NEK9: variants seen among roughly 807,000 people sequenced by gnomAD.
NEK9 encodes the protein serine/threonine-protein kinase Nek9.
NEK9 carries 75 observed loss-of-function variants against 123.4 expected under a neutral mutation model. The observed-to-expected ratio is 0.61, with a 90% confidence interval of 0.50 to 0.74. The LOEUF is 0.74. NEK9 is among the 30% of genes least tolerant of loss of function. The pLI, the probability that NEK9 is intolerant of heterozygous loss-of-function variation, is 0.00. For synonymous variants in NEK9, 438 were observed against 458.7 expected, an observed-to-expected ratio of 0.95 and a Z score of 0.58; for missense variants, 952 against 1,214.4, an observed-to-expected ratio of 0.78 and a Z score of 3.21.
intron 16 of NEK9, among the ~76,000 whole-genome samples, chr14:75,099,233 G>A (rs867703923): frequency 5.3e-5 from 8 of 152,084 alleles, no homozygotes; most frequent in African/African-American, 1.9e-4. Context: ...GCTGAGGCAG[G>A]AGAAGCACTT....
Position 75,123,284 on chromosome 14 carries a change from C to A in NEK9, c.397+762G>T, listed in dbSNP as rs1895402303. On this transcript the variant is annotated intron_variant, in intron 2 of 21. Transcript: ENST00000238616. The stretch of plus-strand genomic sequence containing the variant: ...GGCGTGGTGGCGCATGCCTGTAATC[C>A]CAGCTACTTGGGAGGCTGAGGCAGG... Among the ~76,000 whole-genome samples the A allele has an allele frequency of 3.3e-5, 5 of 152,100 alleles. No homozygotes were observed. In the South Asian group the frequency reaches 1.0e-3, roughly 32 times the overall value.
chr14:75,097,580 G>T (rs906075238), intron 16 of NEK9, among the ~76,000 whole-genome samples: 69 of 152,190 alleles, frequency 4.5e-4, no homozygotes, highest in African/African-American at 1.6e-3. Flanking sequence ...ACTGCATGGG[G>T]TGATAGAGCA....
chr14:75,112,641 A>G (rs1412886729), intron 8 of NEK9, among the ~76,000 whole-genome samples: 7 of 152,158 alleles, frequency 4.6e-5, no homozygotes, highest in Non-Finnish European at 1.0e-4. Context: ...TGGGCAACAC[A>G]GTGAGACCCC....
intron 13 of NEK9, among the ~76,000 whole-genome samples, chr14:75,104,213 G>A (rs1172941946): frequency 6.6e-6 from 1 of 150,896 alleles, no homozygotes; most frequent in South Asian, 2.1e-4. Context: ...TGCCCAGGCT[G>A]GAGTGAAGTC....
intron 16 of NEK9, among the ~76,000 whole-genome samples, chr14:75,100,595 C>T (rs1378938947): frequency 6.6e-6 from 1 of 152,094 alleles, no homozygotes; most frequent in Non-Finnish European, 1.5e-5. Flanking sequence ...CACTGCAGTA[C>T]AGGTGACCCC....
chr14:75,106,642 A>G lies in NEK9; in HGVS notation c.1388T>C (p.Val463Ala). The change falls in exon 12 of 22, where the codon GTT becomes GCT. Residue 463 changes from valine to alanine, a missense_variant. Physicochemically the swap from Val to Ala is moderately conservative, Grantham distance 64 (BLOSUM62 0). Coordinates refer to ENST00000238616, the MANE Select transcript of NEK9 (RefSeq NM_033116.6). ...GGGTTCTAGCACTTCAGGGCCAGCA[A>G]CTTTGTCCACCCCCATGCAGCCATA... ...DYYGCMGVDK[V>A]AGPEVLEPMQ... The G allele has an allele frequency of 6.2e-7, 1 of 1,614,124 alleles. No individual in the cohort carries two copies. The highest frequency in any genetic ancestry group is 8.5e-7 in the Non-Finnish European group (1 of 1,180,032).
intron 2 of NEK9, among the ~76,000 whole-genome samples, chr14:75,122,091 C>T (rs1895357003): frequency 6.6e-6 from 1 of 152,152 alleles, no homozygotes. Context: ...TGCAAGTAAT[C>T]ATGGTTCATC....
chr14:75,122,629 C>T (rs1362261860), intron 2 of NEK9, among the ~76,000 whole-genome samples: 1 of 151,924 alleles, frequency 6.6e-6, no homozygotes, highest in Non-Finnish European at 1.5e-5. Context: ...CTCAGCCTCC[C>T]GAGTAGCTGG....
rs1208389693 is a variant in NEK9 at position 75,117,184 on chromosome 14, T to A, written c.762+11A>T. 1.2e-6 allele frequency: 2 copies of A among 1,611,362 alleles called. No homozygotes were observed. ...TGCTAAATGCAATATGGGGATAATATGCCAACTTACTGTAGCATCAAACGT... is the reference window on the plus strand; with the variant it reads ...TGCTAAATGCAATATGGGGATAATAAGCCAACTTACTGTAGCATCAAACGT... On this transcript the variant is annotated intron_variant, in intron 6 of 21. Transcript: ENST00000238616.
At position 75,081,649 on chromosome 14, in the gene NEK9, A is replaced by C. The variant is rs758107021; in HGVS notation, c.*2915T>G. 2.6e-5 allele frequency: 4 copies of C among 152,186 alleles called. No homozygotes were observed. The highest frequency in any genetic ancestry group is 9.7e-5 in the African/African-American group (4 of 41,450). 9.4% of individuals were successfully genotyped at this position (152,186 alleles called of 1,614,324 possible). A position where few individuals can be genotyped will look rare whatever the true frequency, so the allele number is the denominator to read the frequency against. ...TATGGCAAGTGAAATGAAATTTTTT[A>C]GTGTACTTTTGCTTTAAACTTCAGT... is the stretch of plus-strand genomic sequence containing the variant. On this transcript the variant is annotated 3_prime_UTR_variant, in exon 22 of 22. Coordinates refer to ENST00000238616, the MANE Select transcript of NEK9 (RefSeq NM_033116.6). The surrounding 1 kb of genome is among the most constrained non-coding windows in gnomAD (Gnocchi z 4.2).
At chr14:75,115,086 T>C (rs1895092162) in intron 6 of NEK9, among the ~76,000 whole-genome samples, 1 of 126,380 alleles carries the variant, frequency 7.9e-6, no homozygotes, top group African/African-American at 2.8e-5. Context: ...TATACACGTG[T>C]GTGTACATAT....
Position 75,106,535 on chromosome 14 carries a change from T to C in NEK9, c.1495A>G (p.Lys499Glu), listed in dbSNP as rs370445460. Residue 499 changes from lysine (K) to glutamate (E), a missense_variant, in exon 12 of 22, where the codon AAG (lysine) becomes GAG (glutamate). Lys to Glu is a moderately conservative substitution (Grantham distance 56). This residue lies in a region of NEK9 where 698 missense variants were observed against 875.6 expected (regional missense o/e 0.80). Transcript: ENST00000238616. ...DNHVVVLTRN[K>E]EVYSWGCGEY... The stretch of plus-strand genomic sequence containing the variant: ...CCACAGCCCCAAGAATAGACTTCCT[T>C]GTTTCGTGTCAGAACCACCACATGA... The C allele has an allele frequency of 2.4e-5, 38 of 1,614,072 alleles. No individual in the cohort carries two copies. In the East Asian group the frequency reaches 6.5e-4, roughly 27 times the overall value.
At chr14:75,121,517 A>G (rs2139807342) in intron 2 of NEK9, among the ~76,000 whole-genome samples, 1 of 152,336 alleles carries the variant, frequency 6.6e-6, no homozygotes, top group East Asian at 1.9e-4. Context: ...GGACTCTACA[A>G]TATTTTTGTA....
chr14:75,095,926 G>A (rs184879371), intron 17 of NEK9, among the ~76,000 whole-genome samples: 18 of 152,276 alleles, frequency 1.2e-4, no homozygotes, highest in African/African-American at 4.1e-4. Context: ...GCATAGGTCT[G>A]TAGGTTCCAC....
chr14:75,094,940 A>G (rs773323161), intron 18 of NEK9, among the ~76,000 whole-genome samples: 3 of 152,190 alleles, frequency 2.0e-5, no homozygotes, highest in Non-Finnish European at 4.4e-5. Context: ...AAGGAAATCT[A>G]TCAGAGATCT....
chr14:75,101,506 C>A, intron 15 of NEK9, 151 bp downstream of exon 15: 1 of 550,100 alleles, frequency 1.8e-6, no homozygotes, highest in East Asian at 2.9e-5. Context: ...TAATAATTAT[C>A]AATAAAAATA....
intron 8 of NEK9, among the ~76,000 whole-genome samples, chr14:75,112,109 A>C (rs1894977311): frequency 2.0e-5 from 3 of 152,190 alleles, no homozygotes; most frequent in Admixed American, 2.0e-4. Context: ...AGAACCAGAA[A>C]AGATTAATTA....
At chr14:75,092,456 AG>A (rs1298006001) in intron 18 of NEK9, among the ~76,000 whole-genome samples, 3 of 149,540 alleles carry the variant, frequency 2.0e-5, no homozygotes, top group Admixed American at 1.3e-4. Flanking sequence ...CAGTAAAGAC[AG>A]GGTTTCACCA....
intron 18 of NEK9, among the ~76,000 whole-genome samples, chr14:75,092,611 T>C (rs1894257691): frequency 6.6e-6 from 1 of 152,240 alleles, no homozygotes; most frequent in African/African-American, 2.4e-5. Flanking sequence ...CTGACGACTA[T>C]CTGTATCCAT....
Sources: allele counts gnomAD v4.1 joint callset (sites outside exome capture counted in the v4.1 genomes callset), GRCh38; gene constraint gnomAD v4.1.1; regional missense constraint gnomAD v4.1.1; non-coding constraint Gnocchi (gnomAD v3.1); transcripts MANE v1.5; gene names NCBI Gene and HGNC (gene_info 2026-07-23, HGNC 2026-07-21).